The following CDH13 variants were observed in gnomAD, a reference collection of about 807,000 sequenced individuals.
CDH13 encodes the protein cadherin 13, also known as cadherin-13.
In CDH13, 24 loss-of-function variants were observed where a neutral mutation model predicts 63.8. The ratio of observed to expected loss-of-function variants is 0.38; its 90% CI spans 0.27 to 0.53. The LOEUF (loss-of-function observed/expected upper bound fraction) is 0.53. CDH13 is among the 20% of genes least tolerant of loss of function. The probability of loss-of-function intolerance (pLI) is 0.85; values close to 1 mark genes in which losing one functional copy is unlikely to be tolerated. For missense variants in CDH13, 1,049 were observed against 903.1 expected, an observed-to-expected ratio of 1.16 and a Z score of -2.07; for synonymous variants, 503 against 355.3, an observed-to-expected ratio of 1.42 and a Z score of -4.67.
chr16:83,326,459 T>C (rs576116219), intron 5 of CDH13, among the ~76,000 whole-genome samples: 1 of 150,580 alleles, frequency 6.6e-6, no homozygotes, highest in Admixed American at 6.6e-5. Flanking sequence ...TGAATGAGAA[T>C]ATTCCTCTGA....
At chr16:83,773,893 G>T (rs1295712851) in intron 11 of CDH13, among the ~76,000 whole-genome samples, 2 of 152,058 alleles carry the variant, frequency 1.3e-5, no homozygotes, top group Non-Finnish European at 2.9e-5. Flanking sequence ...CTATAATAAG[G>T]TCCTGCTCCC....
chr16:83,616,868 C>T (rs1353722212), intron 8 of CDH13, among the ~76,000 whole-genome samples: 3 of 152,318 alleles, frequency 2.0e-5, no homozygotes, highest in East Asian at 1.9e-4. Flanking sequence ...TTAGGCCACA[C>T]GGGAGCTCTG....
At chr16:83,185,825 G>A (rs143533294) in intron 4 of CDH13, among the ~76,000 whole-genome samples, 92 of 152,292 alleles carry the variant, frequency 6.0e-4, no homozygotes, top group African/African-American at 2.0e-3. Context: ...TCCTGCCACT[G>A]ATGGATAGAT....
At chr16:83,074,720 C>G (rs2032695929) in intron 3 of CDH13, among the ~76,000 whole-genome samples, 1 of 152,166 alleles carries the variant, frequency 6.6e-6, no homozygotes, top group Non-Finnish European at 1.5e-5. Context: ...CCTTCATAGC[C>G]ATCGTCTCAC....
intron 3 of CDH13, among the ~76,000 whole-genome samples, chr16:83,084,086 G>C (rs867412582): frequency 8.5e-5 from 13 of 152,154 alleles, no homozygotes; most frequent in Non-Finnish European, 1.3e-4. Context: ...TCCTAATGTG[G>C]CAAAAACCAA....
chr16:83,415,541 C>A (rs1202671974), intron 6 of CDH13, among the ~76,000 whole-genome samples: 1 of 152,140 alleles, frequency 6.6e-6, no homozygotes, highest in Admixed American at 6.5e-5. Flanking sequence ...CTGAATCCAG[C>A]AGCACATTAA....
chr16:83,718,622 G>A (rs915450643), intron 10 of CDH13, among the ~76,000 whole-genome samples: 1 of 152,068 alleles, frequency 6.6e-6, no homozygotes, highest in African/African-American at 2.4e-5. Flanking sequence ...GTGGGTGTGT[G>A]ATATAGTATG....
rs905590425 is a variant in CDH13 at position 83,484,856 on chromosome 16, A to G, written c.782-1621A>G. 7.2e-5 allele frequency among the ~76,000 whole-genome samples: 11 copies of G among 152,228 alleles called. No homozygotes were observed. In the East Asian group the frequency reaches 1.5e-3, roughly 21 times the overall value. ...AAAGTTAAAACGTGCCACATTTCAC[A>G]TCAGTTTCTGTATACTTCAAGTTGC... On this transcript the variant is annotated intron_variant, in intron 6 of 13. Coordinates refer to ENST00000567109, the MANE Select transcript of CDH13 (RefSeq NM_001257.5).
At chr16:83,736,896 G>C (rs1171748369) in intron 10 of CDH13, among the ~76,000 whole-genome samples, 1 of 152,228 alleles carries the variant, frequency 6.6e-6, no homozygotes, top group African/African-American at 2.4e-5. Flanking sequence ...AGACTTGCTT[G>C]CCTGGAACAG....
chr16:82,722,194 C>T (rs4053508), intron 1 of CDH13, among the ~76,000 whole-genome samples: 1 of 152,114 alleles, frequency 6.6e-6, no homozygotes, highest in Admixed American at 6.5e-5. Context: ...TAATGTCTAA[C>T]TCAAATGGGA....
intron 6 of CDH13, among the ~76,000 whole-genome samples, chr16:83,417,125 G>A (rs1006977289): frequency 6.6e-6 from 1 of 152,186 alleles, no homozygotes; most frequent in Non-Finnish European, 1.5e-5. Flanking sequence ...GAGGAAAAGA[G>A]AGGTTAATTA....
intron 5 of CDH13, among the ~76,000 whole-genome samples, chr16:83,226,835 C>G (rs2039854723): frequency 6.6e-6 from 1 of 151,920 alleles, no homozygotes; most frequent in Non-Finnish European, 1.5e-5. Flanking sequence ...ACCAGATCCC[C>G]AAATGCAGGG....
chr16:82,991,269 A>G (rs1160869564), intron 2 of CDH13, among the ~76,000 whole-genome samples: 1 of 152,252 alleles, frequency 6.6e-6, no homozygotes, highest in African/African-American at 2.4e-5. Flanking sequence ...TACATGGGTC[A>G]CATTTGCAAT....
intron 2 of CDH13, among the ~76,000 whole-genome samples, chr16:82,911,450 G>A (rs923159363): frequency 6.6e-6 from 1 of 152,236 alleles, no homozygotes; most frequent in South Asian, 2.1e-4. Flanking sequence ...GACCTAGAGG[G>A]AACTCTGCAG....
chr16:82,989,907 G>A (rs745628700), intron 2 of CDH13, among the ~76,000 whole-genome samples: 14 of 151,832 alleles, frequency 9.2e-5, no homozygotes, highest in Admixed American at 1.3e-4. Flanking sequence ...CCACGTCTCC[G>A]TTCAACAACT....
intron 8 of CDH13, among the ~76,000 whole-genome samples, chr16:83,653,104 C>A (rs1044681994): frequency 1.3e-5 from 2 of 152,070 alleles, no homozygotes; most frequent in African/African-American, 4.8e-5. Context: ...ACAGGGAGAT[C>A]TCCGGGGACA....
At chr16:83,466,303 G>T (rs112931084) in intron 6 of CDH13, among the ~76,000 whole-genome samples, 2,224 of 152,328 alleles carry the variant, frequency 0.015, 49 homozygotes, top group African/African-American at 0.05. Context: ...GAGACCCAGA[G>T]CCAGCAAAGG....
chr16:83,474,332 G>C (rs1567697264), intron 6 of CDH13, among the ~76,000 whole-genome samples: 1 of 152,120 alleles, frequency 6.6e-6, no homozygotes, highest in Non-Finnish European at 1.5e-5. Flanking sequence ...GGTTGTGTAT[G>C]TTGCTCAGAT....
intron 2 of CDH13, among the ~76,000 whole-genome samples, chr16:82,957,741 C>T (rs1339829716): frequency 5.9e-5 from 9 of 152,182 alleles, no homozygotes; most frequent in African/African-American, 1.7e-4. Flanking sequence ...ATGTTATATG[C>T]ATTAAATGGG....
Sources: gnomAD v4.1 joint callset for allele counts (sites outside exome capture counted in the v4.1 genomes callset) on GRCh38, gnomAD v4.1.1 for gene constraint, MANE v1.5 for transcripts, NCBI Gene and HGNC (gene_info 2026-07-23, HGNC 2026-07-21) for gene names.